Variants in CNOT6 observed in about 807,000 individuals in gnomAD.
CNOT6 encodes the protein carbon catabolite repression 4 protein.
Under a neutral mutation model 61.2 loss-of-function variants are expected in CNOT6, and 12 were observed. The ratio of observed to expected loss-of-function variants is 0.20; its 90% CI spans 0.13 to 0.32. CNOT6 has a LOEUF of 0.32. Among genes scored for constraint, CNOT6 ranks in the 10% least tolerant of loss-of-function variants. The pLI, the probability that CNOT6 is intolerant of heterozygous loss-of-function variation, is 1.00. For synonymous variants in CNOT6, 225 were observed against 240.6 expected (o/e 0.94, Z 0.60); for missense variants, 405 against 663.9 (o/e 0.61, Z 4.28).
chr5:180,552,577 C>T (rs192294762), intron 3 of CNOT6, among the ~76,000 whole-genome samples: 1,730 of 150,488 alleles, frequency 0.011, 27 homozygotes, highest in Admixed American at 0.041. Flanking sequence ...ACCCGGGAGG[C>T]GGAGCTTGCA....
At chr5:180,548,586 G>A (rs1371207152) in intron 2 of CNOT6, among the ~76,000 whole-genome samples, 3 of 152,190 alleles carry the variant, frequency 2.0e-5, no homozygotes, top group Non-Finnish European at 4.4e-5. Context: ...GCTGCCTCCT[G>A]TAAGTGCTGT....
chr5:180,569,568 G>A (rs976505234), intron 10 of CNOT6, among the ~76,000 whole-genome samples: 5 of 152,116 alleles, frequency 3.3e-5, no homozygotes, highest in Admixed American at 2.6e-4. Context: ...AAACACATAA[G>A]CAATAACGTG....
At chr5:180,534,211 G>A (rs1758552717) in intron 2 of CNOT6, 1 of 154,880 alleles carries the variant, frequency 6.5e-6, no homozygotes, top group Non-Finnish European at 1.5e-5. Context: ...TGGGGCCAGT[G>A]GGGGCTGCTG....
chr5:180,540,432 G>A (rs943413696), intron 2 of CNOT6, among the ~76,000 whole-genome samples: 1 of 152,056 alleles, frequency 6.6e-6, no homozygotes, highest in Non-Finnish European at 1.5e-5. Context: ...ACGATGGTTC[G>A]CCTTTTGATA....
intron 2 of CNOT6, among the ~76,000 whole-genome samples, chr5:180,540,374 A>G (rs1758971958): frequency 6.6e-6 from 1 of 152,156 alleles, no homozygotes; most frequent in African/African-American, 2.4e-5. Context: ...ATATTATACC[A>G]TTTCACTCAT....
intron 3 of CNOT6, among the ~76,000 whole-genome samples, chr5:180,550,409 C>T (rs557026805): frequency 2.7e-4 from 41 of 151,988 alleles, no homozygotes; most frequent in Admixed American, 6.6e-4. Context: ...GAGATCACAC[C>T]GCTGCACTCC....
At chr5:180,520,125 C>T (rs1042107688) in intron 1 of CNOT6, among the ~76,000 whole-genome samples, 14 of 152,264 alleles carry the variant, frequency 9.2e-5, no homozygotes, top group African/African-American at 3.1e-4. Flanking sequence ...TGAGCCACCG[C>T]ATCCAGCCTA....
intron 1 of CNOT6, among the ~76,000 whole-genome samples, chr5:180,515,772 C>G (rs199938299): frequency 6.6e-6 from 1 of 152,096 alleles, no homozygotes; most frequent in Non-Finnish European, 1.5e-5. Context: ...TTCCTCCTTA[C>G]CTCCCTTCCT....
intron 1 of CNOT6, among the ~76,000 whole-genome samples, chr5:180,501,920 G>A (rs544272628): frequency 1.1e-4 from 16 of 152,278 alleles, no homozygotes; most frequent in African/African-American, 3.9e-4. Context: ...ACAGGTGGGG[G>A]AATGAATGCA....
chr5:180,566,461 G>T (rs1026625583), intron 7 of CNOT6, among the ~76,000 whole-genome samples: 8 of 151,922 alleles, frequency 5.3e-5, no homozygotes, highest in African/African-American at 1.9e-4. Context: ...AAAGTTCGTC[G>T]ACCTCTGTGG....
chr5:180,556,948 T>TCC (rs1484313578), intron 4 of CNOT6, among the ~76,000 whole-genome samples: 1 of 148,380 alleles, frequency 6.7e-6, no homozygotes, highest in Non-Finnish European at 1.5e-5. Flanking sequence ...AGAGCGAGAC[T>TCC]CCGTCTCAAA....
intron 1 of CNOT6, among the ~76,000 whole-genome samples, chr5:180,501,119 G>A (rs1756850307): frequency 6.6e-6 from 1 of 152,122 alleles, no homozygotes; most frequent in Admixed American, 6.6e-5. Flanking sequence ...TCCAGTGAGA[G>A]TTTAGGTGGA....
chr5:180,508,396 C>A (rs1218706496), intron 1 of CNOT6, among the ~76,000 whole-genome samples: 2 of 151,958 alleles, frequency 1.3e-5, no homozygotes, highest in African/African-American at 4.8e-5. Context: ...ACTGCAACTT[C>A]TGCTACCTGG....
intron 1 of CNOT6, among the ~76,000 whole-genome samples, chr5:180,513,396 A>G (rs1757486820): frequency 6.6e-6 from 1 of 151,810 alleles, no homozygotes; most frequent in East Asian, 2.0e-4. Context: ...TTTGAGACAG[A>G]GTCTTGCTCT....
intron 4 of CNOT6, among the ~76,000 whole-genome samples, chr5:180,561,781 C>T (rs1232522015): frequency 3.3e-5 from 5 of 152,176 alleles, no homozygotes; most frequent in African/African-American, 1.2e-4. Context: ...CCACAGGCAC[C>T]GCACTGGCGT....
chr5:180,532,841 G>A (rs550147971), intron 2 of CNOT6, among the ~76,000 whole-genome samples: 3 of 152,230 alleles, frequency 2.0e-5, no homozygotes, highest in Admixed American at 1.3e-4. Flanking sequence ...ATCTACTTAC[G>A]TTTACCAGTT....
intron 2 of CNOT6, among the ~76,000 whole-genome samples, chr5:180,541,553 A>G (rs1185655710): frequency 1.4e-5 from 2 of 140,700 alleles, no homozygotes; most frequent in Non-Finnish European, 3.0e-5. Context: ...CCGGATTCAC[A>G]GCATTTTCCT....
intron 11 of CNOT6, 46 bp from the exon 12 acceptor site, chr5:180,573,942 A>C: frequency 7.8e-7 from 1 of 1,283,640 alleles, no homozygotes. Context: ...TGAGGATTTT[A>C]GTGTTGTCTT....
rs973730126 is a variant in CNOT6, at chr5:180,569,124, C to T, written c.1042C>T (p.Leu348Phe). ...SIEMPSGKPH[L>F]GTEKQLILVA... ...ATCTAATGTAGCCGGAAAGCCACAT[C>T]TTGGAACAGAAAAACAACTTATTCT... is the stretch of plus-strand genomic sequence containing the variant. The change falls in exon 10 of 12, where the codon CTT becomes TTT. Residue 348 changes from leucine to phenylalanine, a missense_variant. By Grantham distance (22) the Leu-to-Phe change is conservative (BLOSUM62 0). Around this residue, in one of 5 missense-constraint regions of CNOT6, gnomAD observed 116 missense variants for 184.6 expected, o/e 0.63. Transcript: ENST00000261951. 25 of 1,613,550 alleles carry T rather than the reference C, an allele frequency of 1.5e-5. No individual in the cohort carries two copies. The highest frequency in any genetic ancestry group is 2.0e-5 in the Non-Finnish European group (24 of 1,179,684).
Sources: allele counts gnomAD v4.1 joint callset (sites outside exome capture counted in the v4.1 genomes callset), GRCh38; gene constraint gnomAD v4.1.1; regional missense constraint gnomAD v4.1.1; transcripts MANE v1.5; gene names NCBI Gene and HGNC (gene_info 2026-07-23, HGNC 2026-07-21).